Variants in TRPS1 observed in about 807,000 individuals in gnomAD.
TRPS1 encodes the protein zinc finger transcription factor Trps1.
TRPS1 carries 6 observed loss-of-function variants against 101.2 expected under a neutral mutation model. The observed-to-expected ratio is 0.06, with a 90% CI of 0.03 to 0.12. The LOEUF is 0.12. Ranked by LOEUF, TRPS1 falls within the 10% of genes least tolerant of loss-of-function variation. The pLI is 1.00. For synonymous variants in TRPS1, 578 were observed against 589.8 expected (o/e 0.98, Z 0.29); for missense variants, 1,363 against 1,567.0 (o/e 0.87, Z 2.20).
chr8:115,455,599 A>G (rs2129946452), intron 5 of TRPS1, among the ~76,000 whole-genome samples: 1 of 152,326 alleles, frequency 6.6e-6, no homozygotes, highest in South Asian at 2.1e-4. Flanking sequence ...AAATTTAAAC[A>G]GGTAATACTG....
At chr8:115,551,411 G>A (rs2130340507) in intron 5 of TRPS1, among the ~76,000 whole-genome samples, 1 of 152,242 alleles carries the variant, frequency 6.6e-6, no homozygotes, top group East Asian at 1.9e-4. Flanking sequence ...TTATGATGTA[G>A]TGTTTTCCTC....
At chr8:115,480,642 G>A (rs1025047135) in intron 5 of TRPS1, among the ~76,000 whole-genome samples, 4 of 151,964 alleles carry the variant, frequency 2.6e-5, no homozygotes, top group African/African-American at 4.8e-5. Context: ...ATGCATGCAT[G>A]CAAAGAATGC....
At chr8:115,532,077 A>T (rs1183903212) in intron 5 of TRPS1, among the ~76,000 whole-genome samples, 1 of 152,196 alleles carries the variant, frequency 6.6e-6, no homozygotes, top group African/African-American at 2.4e-5. Context: ...ATTCATAAAG[A>T]GAGATATTGG....
chr8:115,428,137 T>C (rs1264051562), intron 5 of TRPS1, among the ~76,000 whole-genome samples: 1 of 152,192 alleles, frequency 6.6e-6, no homozygotes, highest in Non-Finnish European at 1.5e-5. Flanking sequence ...TTTATATATG[T>C]GTATGTTCCA....
At chr8:115,451,645 T>A (rs1813875775) in intron 5 of TRPS1, among the ~76,000 whole-genome samples, 1 of 152,146 alleles carries the variant, frequency 6.6e-6, no homozygotes, top group African/African-American at 2.4e-5. Flanking sequence ...AAAAATTGGG[T>A]TAACATGTCT....
chr8:115,518,340 T>C (rs1815773085), intron 5 of TRPS1, among the ~76,000 whole-genome samples: 1 of 151,770 alleles, frequency 6.6e-6, no homozygotes, highest in Non-Finnish European at 1.5e-5. Flanking sequence ...ATTCTCACTC[T>C]AGAAAATATT....
chr8:115,582,805 A>G (rs1817481995), intron 5 of TRPS1, among the ~76,000 whole-genome samples: 1 of 152,206 alleles, frequency 6.6e-6, no homozygotes, highest in South Asian at 2.1e-4. Context: ...TTTAAACTGG[A>G]AACCAAGATC....
chr8:115,451,978 C>T (rs1288513847), intron 5 of TRPS1, among the ~76,000 whole-genome samples: 1 of 152,298 alleles, frequency 6.6e-6, no homozygotes, highest in East Asian at 1.9e-4. Flanking sequence ...ACCCCCACTT[C>T]TAAAACTTAA....
intron 5 of TRPS1, among the ~76,000 whole-genome samples, chr8:115,424,899 A>ATTATT (rs1431480542): frequency 1.4e-4 from 22 of 152,192 alleles, no homozygotes; most frequent in Non-Finnish European, 2.8e-4. Flanking sequence ...AGTGTTGAAT[A>ATTATT]TTATTTTATT....
chr8:115,429,456 C>G (rs1295429435), intron 5 of TRPS1, among the ~76,000 whole-genome samples: 1 of 152,176 alleles, frequency 6.6e-6, no homozygotes, highest in Non-Finnish European at 1.5e-5. Context: ...TCATACGAGC[C>G]TTACTCGCAC....
At chr8:115,505,940 G>A (rs1401072588) in intron 5 of TRPS1, among the ~76,000 whole-genome samples, 2 of 7,086 alleles carry the variant, frequency 2.8e-4, no homozygotes, top group Admixed American at 2.3e-3. Context: ...GTTGTATATG[G>A]GTAGAAGGGG....
chr8:115,413,917 A>T lies in TRPS1; in HGVS notation c.*106T>A. The T allele has an allele frequency of 9.0e-7, 1 of 1,110,976 alleles. No individual in the cohort carries two copies. The highest frequency in any genetic ancestry group is 1.3e-6 in the Non-Finnish European group (1 of 776,076). The allele number at this position is 1,110,976 out of a possible 1,614,324, so 68.8% of individuals were successfully genotyped here. A position where few individuals can be genotyped will look rare whatever the true frequency, so the allele number is the denominator to read the frequency against. On this transcript the variant is annotated 3_prime_UTR_variant, in exon 7 of 7. Coordinates refer to ENST00000395715, the MANE Select transcript of TRPS1 (RefSeq NM_014112.5). ...AAGGGAATTTCATGTTGGATAAGGC[A>T]GGCTCTATGAAGTATTTTTTTAATA... is the stretch of plus-strand genomic sequence containing the variant.
chr8:115,628,506 G>C (rs934393120), intron 1 of TRPS1, among the ~76,000 whole-genome samples: 1 of 151,290 alleles, frequency 6.6e-6, no homozygotes, highest in Non-Finnish European at 1.5e-5. Context: ...AAAGAAAACT[G>C]ATCTTAAAAT....
intron 4 of TRPS1, among the ~76,000 whole-genome samples, chr8:115,600,322 T>C (rs1194940068): frequency 1.3e-5 from 2 of 152,196 alleles, no homozygotes; most frequent in African/African-American, 4.8e-5. Context: ...TTCCTGTCCA[T>C]ATGGTGAATT....
chr8:115,662,611 T>C (rs1811827844), intron 1 of TRPS1, among the ~76,000 whole-genome samples: 1 of 148,710 alleles, frequency 6.7e-6, no homozygotes, highest in Non-Finnish European at 1.5e-5. Context: ...CTGATGTCAA[T>C]CAACATCACC....
chr8:115,562,349 C>T (rs999287031), intron 5 of TRPS1, among the ~76,000 whole-genome samples: 2 of 151,842 alleles, frequency 1.3e-5, no homozygotes, highest in Non-Finnish European at 2.9e-5. Flanking sequence ...ATTTTCCTAA[C>T]TTTTTTCAAT....
intron 5 of TRPS1, among the ~76,000 whole-genome samples, chr8:115,585,290 T>C (rs907740273): frequency 5.9e-5 from 9 of 152,196 alleles, no homozygotes; most frequent in Admixed American, 1.3e-4. Flanking sequence ...GCTCAAAAAA[T>C]GCAACCACTA....
At chr8:115,504,626 T>C (rs3808422) in intron 5 of TRPS1, among the ~76,000 whole-genome samples, 91,646 of 151,982 alleles carry the variant, frequency 0.6, 28,041 homozygotes, top group East Asian at 0.84. Context: ...GCAGGTTCAA[T>C]AGTCTTGTTA....
intron 5 of TRPS1, among the ~76,000 whole-genome samples, chr8:115,497,604 A>G (rs1334457689): frequency 6.6e-6 from 1 of 152,202 alleles, no homozygotes; most frequent in Non-Finnish European, 1.5e-5. Context: ...AAAAATAGAG[A>G]CATGATTGAA....
Sources: gnomAD v4.1 joint callset for allele counts (sites outside exome capture counted in the v4.1 genomes callset) on GRCh38, gnomAD v4.1.1 for gene constraint, MANE v1.5 for transcripts, NCBI Gene and HGNC (gene_info 2026-07-23, HGNC 2026-07-21) for gene names.